The following EPHA10 variants were observed in gnomAD, a reference collection of about 807,000 sequenced individuals.
EPHA10 encodes the protein EPH receptor A10.
In EPHA10, 120 loss-of-function variants were observed where a neutral mutation model predicts 109.7. That is an observed-to-expected ratio of 1.09 (90% CI 0.94 to 1.27). The LOEUF (loss-of-function observed/expected upper bound fraction) is 1.27, where lower values mean the gene tolerates loss of function less well. Among genes scored for constraint, EPHA10 ranks in the 50% most tolerant of loss-of-function variants. EPHA10 has a pLI of 0.00. For synonymous variants in EPHA10, 640 were observed against 618.9 expected, an observed-to-expected ratio of 1.03 and a Z score of -0.51; for missense variants, 1,396 against 1,411.1, an observed-to-expected ratio of 0.99 and a Z score of 0.17.
chr1:37,748,650 A>AT (rs1646275283), intron 5 of EPHA10, among the ~76,000 whole-genome samples: 2 of 152,144 alleles, frequency 1.3e-5, no homozygotes, highest in South Asian at 4.1e-4. Context: ...AAAGAATAAT[A>AT]TATCTAGTAG....
chr1:37,734,917 G>T (rs1042265146), intron 6 of EPHA10, among the ~76,000 whole-genome samples: 2 of 152,284 alleles, frequency 1.3e-5, no homozygotes, highest in African/African-American at 4.8e-5. Context: ...TGATCTTTCT[G>T]TGTCCTTTTT....
At position 37,721,657 on chromosome 1, in the gene EPHA10, T is replaced by C; in HGVS notation, c.2146+3A>G. The C allele has an allele frequency of 1.9e-6, 3 of 1,600,928 alleles. No homozygotes were observed. Among genetic ancestry groups the C allele is most frequent in the Middle Eastern group, 2.1e-4 (1 of 4,786 alleles). On this transcript the variant is annotated splice_donor_region_variant and intron_variant, in intron 11 of 16. Coordinates refer to ENST00000373048, the MANE Select transcript of EPHA10 (RefSeq NM_001099439.2). Reference sequence around the variant, plus strand: ...GCAGCAGGAAGGGAGCACCGGGCCCTACCTCGGGTAACAACGCCCTCCAGC... The same window carrying C: ...GCAGCAGGAAGGGAGCACCGGGCCCCACCTCGGGTAACAACGCCCTCCAGC...
At chr1:37,724,963 T>C (rs147307112) in intron 8 of EPHA10, among the ~76,000 whole-genome samples, 81 of 152,154 alleles carry the variant, frequency 5.3e-4, no homozygotes, top group African/African-American at 1.8e-3. Flanking sequence ...TTAGGAGTAA[T>C]AGTGGGCTCC....
rs771191567 is a variant in EPHA10, at chr1:37,765,052, G to C, written c.15C>G (p.Ala5=). METC[A]GPHPLRLFLC... Reference sequence around the variant, plus strand: ...GGAAGAGGCGCAGCGGGTGTGGACCGGCGCAGGTCTCCATGGTCCGCAGAC... The same window carrying C: ...GGAAGAGGCGCAGCGGGTGTGGACCCGCGCAGGTCTCCATGGTCCGCAGAC... The change falls in exon 1 of 17, where the codon GCC becomes GCG. Residue 5 remains alanine (A), a synonymous_variant. Transcript: ENST00000373048. 3.6e-5 allele frequency: 57 copies of C among 1,602,882 alleles called. No individual in the cohort carries two copies. Among genetic ancestry groups the C allele is most frequent in the Non-Finnish European group, 4.3e-5 (51 of 1,177,034 alleles).
chr1:37,761,410 C>G lies in EPHA10; in HGVS notation c.845G>C (p.Cys282Ser). Reference sequence around the variant, plus strand: ...GCCCCCAGCCAACTGGATACCTTCGCAGAAGTCACCACGCTCCTGGAATCC... The same window carrying G: ...GCCCCCAGCCAACTGGATACCTTCGGAGAAGTCACCACGCTCCTGGAATCC... ...SAGFQERGDF[C>S]EACPPGFYKV... Residue 282 changes from cysteine to serine, a missense_variant, in exon 3 of 17, where the codon TGC becomes TCC. Cys to Ser is a moderately radical substitution (Grantham distance 112, BLOSUM62 -1). Coordinates refer to ENST00000373048, the MANE Select transcript of EPHA10 (RefSeq NM_001099439.2). 1 of 1,599,246 alleles carries G rather than the reference C, an allele frequency of 6.3e-7. No individual in the cohort carries two copies. The highest frequency in any genetic ancestry group is 8.5e-7 in the Non-Finnish European group (1 of 1,179,752).
Position 37,720,422 on chromosome 1 carries a change from C to G in EPHA10, c.2341G>C (p.Asp781His), listed in dbSNP as rs202083700. 4 of 1,613,508 alleles carry G rather than the reference C, an allele frequency of 2.5e-6. No homozygotes were observed. Among genetic ancestry groups the G allele is most frequent in the Non-Finnish European group, 3.4e-6 (4 of 1,179,998 alleles). Residue 781 changes from aspartate (D) to histidine (H), a missense_variant, in exon 13 of 17, where the codon GAC becomes CAC. By Grantham distance (81) the Asp-to-His change is moderately conservative (BLOSUM62 -1). Transcript: ENST00000373048. ...AAGCCAGAGATCTTGCAGACAAGGT[C>G]GCTGCTGACCAGCACATGGCGAGCT... ...LAARHVLVSS[D>H]LVCKISGFGR... is the part of the protein sequence containing the mutation.
In EPHA10 at chr1:37,727,191, G is replaced by T. The variant is rs779724541; in HGVS notation, c.1683C>A (p.Asp561Glu). ...CGGTGACGACAATGGCGGGGCTCTG[G>T]TCCCTGGACCCTGAGGCAGCTGGGA... is the stretch of plus-strand genomic sequence containing the variant. ...TLGEAASGSR[D>E]QSPAIVVTVV... Residue 561 changes from aspartate to glutamate, a missense_variant, in exon 8 of 17, where the codon GAC becomes GAA. By Grantham distance (45) the Asp-to-Glu change is conservative. Coordinates refer to ENST00000373048, the MANE Select transcript of EPHA10 (RefSeq NM_001099439.2). The T allele has an allele frequency of 2.1e-5, 34 of 1,608,532 alleles. No homozygotes were observed. The highest frequency in any genetic ancestry group is 2.5e-5 in the Non-Finnish European group (30 of 1,177,144).
At position 37,754,201 on chromosome 1, in the gene EPHA10, G is replaced by A. The variant is rs1646372380; in HGVS notation, c.1006+14C>T. 7.8e-7 allele frequency: 1 copy of A among 1,285,924 alleles called. No individual in the cohort carries two copies. Among genetic ancestry groups the A allele is most frequent in the East Asian group, 3.1e-5 (1 of 32,032 alleles). 79.7% of individuals were successfully genotyped at this position (1,285,924 alleles called of 1,614,324 possible). On this transcript the variant is annotated intron_variant, in intron 4 of 16. Coordinates refer to ENST00000373048, the MANE Select transcript of EPHA10 (RefSeq NM_001099439.2). This position sits in a 1 kb window ranked among gnomAD's most constrained non-coding sequence, Gnocchi z 4.5. The stretch of plus-strand genomic sequence containing the variant: ...CCCCCACCCTCCGCAGTGCAGCCTG[G>A]AGGGGGGACTCACGGGTGCAGGAAG...
chr1:37,718,405 C>CTGT lies in EPHA10; in HGVS notation c.2993_2994insACA (p.Val998_Leu999insGln). ...GCACCCCCTGGCCCTGCAGCTGGAG[C>CTGT]ACTCGTGCCTGCAGGGCGCTGATCC... is the stretch of plus-strand genomic sequence containing the variant. On this transcript the variant is annotated inframe_insertion, in exon 17 of 17. Transcript: ENST00000373048. 1 of 1,612,650 alleles carries CTGT rather than the reference C, an allele frequency of 6.2e-7. No individual in the cohort carries two copies.
chr1:37,744,466 G>A (rs986942920), intron 5 of EPHA10, among the ~76,000 whole-genome samples: 2 of 151,764 alleles, frequency 1.3e-5, no homozygotes, highest in Admixed American at 6.6e-5. Context: ...GTTGCAGTGA[G>A]CAGAGATCAT....
chr1:37,754,102 C>G lies in EPHA10; in HGVS notation c.1006+113G>C, dbSNP rs2148366594. On this transcript the variant is annotated intron_variant, in intron 4 of 16. Coordinates refer to ENST00000373048, the MANE Select transcript of EPHA10 (RefSeq NM_001099439.2). The surrounding 1 kb of genome is among the most constrained non-coding windows in gnomAD (Gnocchi z 4.5). ...CCGGGGCGCTGGCCCCCATATCCGC[C>G]CACGTGCGCCCCAGTGCGGAGACCC... is the stretch of plus-strand genomic sequence containing the variant. 1 of 1,155,170 alleles carries G rather than the reference C, an allele frequency of 8.7e-7. No individual in the cohort carries two copies. The highest frequency in any genetic ancestry group is 4.2e-5 in the Admixed American group (1 of 23,658). The allele number at this position is 1,155,170 out of a possible 1,614,324, so 71.6% of individuals were successfully genotyped here.
Position 37,752,881 on chromosome 1 carries a change from G to C in EPHA10, c.1352C>G (p.Pro451Arg). Residue 451 changes from proline (P) to arginine (R), a missense_variant, in exon 5 of 17, where the codon CCC (proline) becomes CGC (arginine). Coordinates refer to ENST00000373048, the MANE Select transcript of EPHA10 (RefSeq NM_001099439.2). ...GGGGGCGCGGACGGCCTTACCCCCGGGCCCGGTGGAGACGGTGACCTGCGC... is the reference window on the plus strand; with the variant it reads ...GGGGGCGCGGACGGCCTTACCCCCGCGCCCGGTGGAGACGGTGACCTGCGC... ...TYAQVTVSTG[P>R]GAPWEEDEIR... 1 of 1,295,466 alleles carries C rather than the reference G, an allele frequency of 7.7e-7. No individual in the cohort carries two copies. Among genetic ancestry groups the C allele is most frequent in the Non-Finnish European group, 9.8e-7 (1 of 1,025,478 alleles). The allele number at this position is 1,295,466 out of a possible 1,614,324, so 80.2% of individuals were successfully genotyped here. A position where few individuals can be genotyped will look rare whatever the true frequency, so the allele number is the denominator to read the frequency against.
intron 7 of EPHA10, among the ~76,000 whole-genome samples, chr1:37,730,013 T>G (rs1645955545): frequency 6.6e-6 from 1 of 152,090 alleles, no homozygotes; most frequent in Non-Finnish European, 1.5e-5. Flanking sequence ...ACCCAATGAA[T>G]GGAGACCATC....
At chr1:37,748,970 T>C (rs1156691817) in intron 5 of EPHA10, among the ~76,000 whole-genome samples, 1 of 138,156 alleles carries the variant, frequency 7.2e-6, no homozygotes, top group Non-Finnish European at 1.5e-5. Flanking sequence ...TCACCCAGGC[T>C]GGAGTGCAGT....
rs1175584273 is a variant in EPHA10, at chr1:37,726,688, CCACA to C, written c.1772+410_1772+413del. On this transcript the variant is annotated intron_variant, in intron 8 of 16. Coordinates refer to ENST00000373048, the MANE Select transcript of EPHA10 (RefSeq NM_001099439.2). ...AAATGCCCTCCCTGTCCTGCCCCTCCCACACACATACATACACAAGATTTCTGTC... is the reference window on the plus strand; with the variant it reads ...AAATGCCCTCCCTGTCCTGCCCCTCCCACATACATACACAAGATTTCTGTC... Among the ~76,000 whole-genome samples, 8 of 152,348 alleles carry C rather than the reference CCACA, an allele frequency of 5.3e-5. No individual in the cohort carries two copies. In the East Asian group the frequency reaches 1.4e-3, roughly 26 times the overall value.
intron 6 of EPHA10, 131 bp downstream of exon 6, chr1:37,735,126 C>T: frequency 8.1e-7 from 1 of 1,233,598 alleles, no homozygotes; most frequent in South Asian, 1.4e-5. Context: ...GCCTGGGGCC[C>T]CTAGGAGACG....
chr1:37,722,498 T>C (rs1645815091), intron 10 of EPHA10, among the ~76,000 whole-genome samples: 1 of 152,188 alleles, frequency 6.6e-6, no homozygotes, highest in Non-Finnish European at 1.5e-5. Flanking sequence ...GCTGAGGATT[T>C]GTAGTCAGGA....
intron 5 of EPHA10, among the ~76,000 whole-genome samples, chr1:37,737,595 T>G (rs602421): frequency 0.31 from 47,174 of 152,050 alleles, 7,678 homozygotes; most frequent in Middle Eastern, 0.46. Context: ...TAAAATCATA[T>G]GCAAAAAATG....
rs1337945738 is a variant in EPHA10, at chr1:37,754,703, C to T, written c.851-333G>A. Among the ~76,000 whole-genome samples, 1 of 152,158 alleles carries T rather than the reference C, an allele frequency of 6.6e-6. No individual in the cohort carries two copies. The highest frequency in any genetic ancestry group is 1.5e-5 in the Non-Finnish European group (1 of 68,016). On this transcript the variant is annotated intron_variant, in intron 3 of 16. Coordinates refer to ENST00000373048, the MANE Select transcript of EPHA10 (RefSeq NM_001099439.2). This position sits in a 1 kb window ranked among gnomAD's most constrained non-coding sequence, Gnocchi z 4.5. ...CCAGCCTGGACAACATGGCCAAACC[C>T]CGTCTCTATTTATTATTTTTTAAAT...
Sources: gnomAD v4.1 joint callset for allele counts (sites outside exome capture counted in the v4.1 genomes callset) on GRCh38, gnomAD v4.1.1 for gene constraint, Gnocchi (gnomAD v3.1) non-coding constraint, MANE v1.5 for transcripts, NCBI Gene and HGNC (gene_info 2026-07-23, HGNC 2026-07-21) for gene names.